CCSER1: variants seen among roughly 807,000 people sequenced by gnomAD.
The protein encoded by CCSER1 is coiled-coil serine rich protein 1, also known as serine-rich coiled-coil domain-containing protein 1.
Under a neutral mutation model 82.0 loss-of-function variants are expected in CCSER1, and 41 were observed. The ratio of observed to expected loss-of-function variants is 0.50; its 90% CI spans 0.39 to 0.65. The LOEUF is 0.65. CCSER1 is among the 30% of genes least tolerant of loss of function. The pLI is 0.00. For missense variants in CCSER1, 1,119 were observed against 1,064.2 expected, an observed-to-expected ratio of 1.05 and a Z score of -0.72; for synonymous variants, 414 against 383.9, an observed-to-expected ratio of 1.08 and a Z score of -0.92.
At chr4:90,965,803 A>G (rs536493421) in intron 9 of CCSER1, among the ~76,000 whole-genome samples, 24 of 152,274 alleles carry the variant, frequency 1.6e-4, no homozygotes, top group Non-Finnish European at 3.1e-4. Context: ...AAGAGAGGGA[A>G]AAAATAGTCA....
chr4:91,242,996 A>G (rs1476896094), intron 10 of CCSER1, among the ~76,000 whole-genome samples: 1 of 152,222 alleles, frequency 6.6e-6, no homozygotes, highest in East Asian at 1.9e-4. Context: ...TATGGCTAAA[A>G]GAGGCAGTGA....
intron 10 of CCSER1, among the ~76,000 whole-genome samples, chr4:91,097,016 G>A (rs1335697417): frequency 6.6e-6 from 1 of 152,156 alleles, no homozygotes; most frequent in East Asian, 1.9e-4. Flanking sequence ...TCAAAGACAT[G>A]TCTTACCAAG....
At chr4:90,447,364 A>G (rs144541754) in intron 4 of CCSER1, among the ~76,000 whole-genome samples, 2,185 of 152,236 alleles carry the variant, frequency 0.014, 47 homozygotes, top group African/African-American at 0.05. Context: ...AATGAAATTT[A>G]CTAGAATGCA....
intron 10 of CCSER1, among the ~76,000 whole-genome samples, chr4:91,148,513 C>T (rs1729774542): frequency 6.6e-6 from 1 of 151,830 alleles, no homozygotes; most frequent in African/African-American, 2.4e-5. Context: ...ACTTTAAGTT[C>T]CAGGGTTCAT....
intron 3 of CCSER1, among the ~76,000 whole-genome samples, chr4:90,376,842 C>T (rs886892237): frequency 6.6e-6 from 1 of 152,050 alleles, no homozygotes; most frequent in African/African-American, 2.4e-5. Context: ...CAAGCAGAGG[C>T]ACTCACATAA....
chr4:91,140,311 T>C (rs1728904487), intron 10 of CCSER1, among the ~76,000 whole-genome samples: 1 of 151,858 alleles, frequency 6.6e-6, no homozygotes, highest in Non-Finnish European at 1.5e-5. Flanking sequence ...GCATAAATTA[T>C]ACTAAAATAT....
chr4:90,341,045 C>A (rs1741284685), intron 3 of CCSER1, among the ~76,000 whole-genome samples: 1 of 152,014 alleles, frequency 6.6e-6, no homozygotes, highest in East Asian at 1.9e-4. Context: ...GTAAAGAGAG[C>A]TGTGATATAA....
chr4:91,054,801 A>G (rs1358646384), intron 9 of CCSER1, among the ~76,000 whole-genome samples: 1 of 152,130 alleles, frequency 6.6e-6, no homozygotes. Context: ...TAAAATTTGA[A>G]TGCTCCAATT....
chr4:90,216,420 T>C (rs1488001308), intron 1 of CCSER1, among the ~76,000 whole-genome samples: 2 of 152,210 alleles, frequency 1.3e-5, no homozygotes, highest in Non-Finnish European at 2.9e-5. Flanking sequence ...TATAGTGTTT[T>C]TGAGATAGTC....
intron 10 of CCSER1, among the ~76,000 whole-genome samples, chr4:91,339,852 C>T (rs1219736489): frequency 1.3e-5 from 2 of 152,052 alleles, no homozygotes; most frequent in Admixed American, 1.3e-4. Flanking sequence ...GGTGCCATGG[C>T]TTATGCCTGT....
At chr4:90,181,144 A>G (rs889963632) in intron 1 of CCSER1, among the ~76,000 whole-genome samples, 1 of 152,158 alleles carries the variant, frequency 6.6e-6, no homozygotes, top group South Asian at 2.1e-4. Flanking sequence ...AATGATCTGT[A>G]CACCAAACCA....
rs192875774 is a variant in CCSER1 at position 91,464,156 on chromosome 4, T to A, written c.2218-134416T>A. Among the ~76,000 whole-genome samples the A allele has an allele frequency of 7.5e-4, 114 of 152,308 alleles. 1 individual carries two copies. In the East Asian group the frequency reaches 0.02, roughly 27 times the overall value. On this transcript the variant is annotated intron_variant, in intron 10 of 10. Transcript: ENST00000509176. ...GCCCATCAAACTAACAGCGGATCTC[T>A]CAGCAGAAACTCTACAAGCCAGAAG...
intron 6 of CCSER1, among the ~76,000 whole-genome samples, chr4:90,722,253 G>A (rs1460850156): frequency 1.3e-5 from 2 of 151,886 alleles, no homozygotes; most frequent in East Asian, 1.9e-4. Context: ...AGCTATGCAG[G>A]CTGTCCATAC....
chr4:90,485,985 T>A (rs922724082), intron 5 of CCSER1, among the ~76,000 whole-genome samples: 2 of 152,204 alleles, frequency 1.3e-5, no homozygotes, highest in Non-Finnish European at 2.9e-5. Context: ...GAGGACTCTG[T>A]CATGTGGTCT....
At chr4:90,167,984 C>T (rs369048218) in intron 1 of CCSER1, among the ~76,000 whole-genome samples, 2 of 151,990 alleles carry the variant, frequency 1.3e-5, no homozygotes, top group Non-Finnish European at 2.9e-5. Context: ...CTTTGGGTAT[C>T]TACCCAGTAA....
At chr4:91,594,301 A>G (rs1481696962) in intron 10 of CCSER1, among the ~76,000 whole-genome samples, 1 of 150,130 alleles carries the variant, frequency 6.7e-6, no homozygotes, top group Non-Finnish European at 1.5e-5. Context: ...GTATATATGT[A>G]TATGTATATG....
intron 10 of CCSER1, among the ~76,000 whole-genome samples, chr4:91,159,359 A>G (rs1241999998): frequency 6.6e-6 from 1 of 151,924 alleles, no homozygotes; most frequent in South Asian, 2.1e-4. Context: ...TCTGTGTTCC[A>G]TATTGACACT....
At chr4:91,130,774 A>T (rs541873846) in intron 10 of CCSER1, among the ~76,000 whole-genome samples, 1 of 152,016 alleles carries the variant, frequency 6.6e-6, no homozygotes, top group East Asian at 1.9e-4. Context: ...CAGGAAGGAA[A>T]TAACCAATTA....
At position 91,159,777 on chromosome 4, in the gene CCSER1, A is replaced by G. The variant is rs565711112; in HGVS notation, c.2217+73783A>G. Among the ~76,000 whole-genome samples the G allele has an allele frequency of 2.9e-3, 446 of 152,108 alleles. 1 individual carries two copies. The highest frequency in any genetic ancestry group is 0.01 in the African/African-American group (420 of 41,532). ...ATGCAACTGAGAAAATTTTTGATGAACAAAAACATAATTTTAAATATAACT... is the reference window on the plus strand; with the variant it reads ...ATGCAACTGAGAAAATTTTTGATGAGCAAAAACATAATTTTAAATATAACT... On this transcript the variant is annotated intron_variant, in intron 10 of 10. Coordinates refer to ENST00000509176, the MANE Select transcript of CCSER1 (RefSeq NM_001145065.2).
Sources: gnomAD v4.1 joint callset for allele counts (sites outside exome capture counted in the v4.1 genomes callset) on GRCh38, gnomAD v4.1.1 for gene constraint, MANE v1.5 for transcripts, NCBI Gene and HGNC (gene_info 2026-07-23, HGNC 2026-07-21) for gene names.